The following PODN variants were observed in gnomAD, a reference collection of about 807,000 sequenced individuals.
PODN encodes the protein podocan, also known as podocan proteoglycan.
In PODN, 40 loss-of-function variants were observed where a neutral mutation model predicts 52.7. That is an observed-to-expected ratio of 0.76 (90% CI 0.59 to 0.99). PODN has a LOEUF of 0.99. Ranked by LOEUF, PODN falls within the 50% of genes least tolerant of loss-of-function variation. The pLI, the probability that PODN is intolerant of heterozygous loss-of-function variation, is 0.00. For missense variants in PODN, 720 were observed against 815.1 expected (o/e 0.88, Z 1.42); for synonymous variants, 396 against 377.9 (o/e 1.05, Z -0.56).
Position 53,082,128 on chromosome 1 carries a change from A to AGGAG in PODN, c.1810_1811insGAGG (p.Glu604GlyfsTer16), listed in dbSNP as rs1553160356. On this transcript the variant is annotated frameshift_variant, in exon 10 of 11. Transcript: ENST00000312553. LOFTEE classifies it high-confidence loss of function. ...TGGGGAAGGAAAAGGAGGAGGAGGA[A>AGGAG]GAGGAGGAGGAGGAGGAAGAGGAAA... 88 of 1,610,430 alleles carry AGGAG rather than the reference A, an allele frequency of 5.5e-5. No individual in the cohort carries two copies. The East Asian group carries it at 1.9e-3, about 35-fold the overall frequency.
At chr1:53,062,376 G>T (rs1643970363) in intron 1 of PODN, 68 bp downstream of exon 1, 3 of 1,123,300 alleles carry the variant, frequency 2.7e-6, no homozygotes, top group Non-Finnish European at 3.4e-6. Flanking sequence ...GCACTCAGAC[G>T]TCCCCGCCTC....
At chr1:53,064,227 T>G (rs1264164691) in intron 1 of PODN, among the ~76,000 whole-genome samples, 2 of 152,228 alleles carry the variant, frequency 1.3e-5, no homozygotes, top group African/African-American at 2.4e-5. Flanking sequence ...CCCCACTCCA[T>G]GCTTGGGGAG....
Position 53,079,033 on chromosome 1 carries a change from G to T in PODN, c.1512+11G>T. On this transcript the variant is annotated intron_variant, in intron 8 of 10. Coordinates refer to ENST00000312553, the MANE Select transcript of PODN (RefSeq NM_153703.5). The stretch of plus-strand genomic sequence containing the variant: ...CTCGCCCATCTGCAGGTAAGCGGAA[G>T]GGAGGGGGCTGAGCCATGCCCATGG... 6.6e-7 allele frequency: 1 copy of T among 1,521,900 alleles called. No homozygotes were observed. The allele number at this position is 1,521,900 out of a possible 1,614,324, so 94.3% of individuals were successfully genotyped here.
In PODN at chr1:53,078,588, C is replaced by A. The variant is rs1572274117; in HGVS notation, c.1078C>A (p.Arg360=). 1.4e-5 allele frequency: 23 copies of A among 1,613,068 alleles called. No individual in the cohort carries two copies. Among genetic ancestry groups the A allele is most frequent in the Non-Finnish European group, 1.7e-5 (20 of 1,180,016 alleles). ...IHPLAFQGLK[R]LHTVHLYNNA... is the part of the protein sequence containing the mutation. ...CCCACTGGCCTTCCAGGGCCTCAAG[C>A]GGTTGCACACGGTGCACCTGTACAA... Residue 360 remains arginine, a synonymous_variant, in exon 8 of 11, where the codon CGG becomes AGG. Coordinates refer to ENST00000312553, the MANE Select transcript of PODN (RefSeq NM_153703.5).
At position 53,069,906 on chromosome 1, in the gene PODN, G is replaced by A. The variant is rs1409931738; in HGVS notation, c.51G>A (p.Leu17=). Residue 17 remains leucine (L), a synonymous_variant, in exon 2 of 11, where the codon CTG becomes CTA. Transcript: ENST00000312553. ...TCCTGCTGCTGCTGCCGCCACAGCT[G>A]CACCTGGGACCTGTGCTTGCCGTGA... The part of the protein sequence containing the change: ...LLLLLLLPPQ[L]HLGPVLAVRA... 2 of 1,571,008 alleles carry A rather than the reference G, an allele frequency of 1.3e-6. No individual in the cohort carries two copies. The highest frequency in any genetic ancestry group is 2.7e-5 in the African/African-American group (2 of 73,986).
At chr1:53,065,525 C>A (rs1324486342) in intron 1 of PODN, among the ~76,000 whole-genome samples, 1 of 152,178 alleles carries the variant, frequency 6.6e-6, no homozygotes, top group Admixed American at 6.5e-5. Context: ...TCCTTCTTAC[C>A]TCTTCCTCCA....
intron 1 of PODN, among the ~76,000 whole-genome samples, chr1:53,067,556 A>G (rs2150292847): frequency 6.6e-6 from 1 of 152,170 alleles, no homozygotes; most frequent in Middle Eastern, 3.4e-3. Flanking sequence ...GGCAGCAGGA[A>G]CTCAGAGGCG....
chr1:53,077,227 G>T lies in PODN; in HGVS notation c.619G>T (p.Gly207Trp). ...GCACAACAACAAGCTGGCAGACGCC[G>T]GGCTGCCGGACAACATGTTCAACGG... ...YLHNNKLADAGLPDNMFNGSS... is the reference protein window; with the variant it reads ...YLHNNKLADAWLPDNMFNGSS... The change falls in exon 6 of 11, where the codon GGG (glycine) becomes TGG (tryptophan). Residue 207 changes from glycine to tryptophan, a missense_variant. By Grantham distance (184) the Gly-to-Trp change is radical. Transcript: ENST00000312553. 1 of 1,613,418 alleles carries T rather than the reference G, an allele frequency of 6.2e-7. No individual in the cohort carries two copies.
At chr1:53,084,221 C>T (rs1282221419) in intron 10 of PODN, among the ~76,000 whole-genome samples, 1 of 151,692 alleles carries the variant, frequency 6.6e-6, no homozygotes, top group Non-Finnish European at 1.5e-5. Flanking sequence ...GTGGGGACAC[C>T]ACAGCCCTCA....
intron 1 of PODN, among the ~76,000 whole-genome samples, chr1:53,064,983 C>G (rs1467556050): frequency 6.6e-6 from 1 of 152,172 alleles, no homozygotes; most frequent in African/African-American, 2.4e-5. Flanking sequence ...CTCCTGGAGA[C>G]CAGGGAGCTC....
chr1:53,070,182 G>T lies in PODN; in HGVS notation c.312+15G>T. 1 of 1,602,002 alleles carries T rather than the reference G, an allele frequency of 6.2e-7. No homozygotes were observed. Among genetic ancestry groups the T allele is most frequent in the Non-Finnish European group, 8.5e-7 (1 of 1,179,558 alleles). On this transcript the variant is annotated intron_variant, in intron 2 of 10. Transcript: ENST00000312553. ...TATCTCTGCAGGTGAGGTCGGCGTT[G>T]CACCTGTGGTCACGGGGGCTGTCCC...
intron 10 of PODN, among the ~76,000 whole-genome samples, chr1:53,083,174 C>T (rs1385318632): frequency 6.6e-6 from 1 of 152,188 alleles, no homozygotes; most frequent in African/African-American, 2.4e-5. Flanking sequence ...CACTGCAGAC[C>T]AGCCTTTTGA....
rs745998509 is a variant in PODN at position 53,071,553 on chromosome 1, A to T, written c.331A>T (p.Ile111Phe). The T allele has an allele frequency of 7.4e-6, 12 of 1,613,748 alleles. No individual in the cohort carries two copies. The highest frequency in any genetic ancestry group is 1.6e-4 in the Middle Eastern group (1 of 6,082). The change falls in exon 3 of 11, where the codon ATC (isoleucine) becomes TTC (phenylalanine). Residue 111 changes from isoleucine (I) to phenylalanine (F), a missense_variant. Physicochemically the swap from Ile to Phe is conservative, Grantham distance 21 (BLOSUM62 0). Transcript: ENST00000312553. ...LSLQNNQLEK[I>F]YPEELSRLHR... The stretch of plus-strand genomic sequence containing the variant: ...CCCCTAGAACAACCAGCTGGAAAAG[A>T]TCTACCCTGAGGAGCTCTCCCGGCT...
At chr1:53,064,424 TAGAA>T (rs1644003952) in intron 1 of PODN, among the ~76,000 whole-genome samples, 1 of 152,238 alleles carries the variant, frequency 6.6e-6, no homozygotes, top group South Asian at 2.1e-4. Flanking sequence ...ATCTGCAGAA[TAGAA>T]AGACGAACAT....
Position 53,062,262 on chromosome 1 carries a change from G to A in PODN, c.-102G>A, listed in dbSNP as rs1643967010. The A allele has an allele frequency of 1.6e-6, 2 of 1,273,014 alleles. No individual in the cohort carries two copies. The highest frequency in any genetic ancestry group is 2.0e-6 in the Non-Finnish European group (2 of 1,002,638). 78.9% of individuals were successfully genotyped at this position (1,273,014 alleles called of 1,614,324 possible). On this transcript the variant is annotated 5_prime_UTR_variant, in exon 1 of 11. Coordinates refer to ENST00000312553, the MANE Select transcript of PODN (RefSeq NM_153703.5). The stretch of plus-strand genomic sequence containing the variant: ...CCGCGGAGCGCAGCTGAGACTGGGG[G>A]AGCGCGTTCGGCCTGTGGGGCGCCG...
chr1:53,079,061 G>A lies in PODN; in HGVS notation c.1512+39G>A, dbSNP rs1405438027. On this transcript the variant is annotated intron_variant, in intron 8 of 10. Transcript: ENST00000312553. ...AGGGGGCTGAGCCATGCCCATGGAG[G>A]GGGGTACTGGCATGGCTGCCCTGAG... 6.1e-6 allele frequency: 9 copies of A among 1,476,902 alleles called. No homozygotes were observed. The Admixed American group carries it at 9.0e-5, about 15-fold the overall frequency. The allele number at this position is 1,476,902 out of a possible 1,614,324, so 91.5% of individuals were successfully genotyped here.
intron 1 of PODN, among the ~76,000 whole-genome samples, chr1:53,063,747 TTCTG>T (rs1643993862): frequency 6.6e-6 from 1 of 152,216 alleles, no homozygotes; most frequent in Non-Finnish European, 1.5e-5. Context: ...ACTTTATCCC[TTCTG>T]TCTGAGTCTA....
chr1:53,076,660 TTA>T (rs888558064), intron 5 of PODN, among the ~76,000 whole-genome samples: 2 of 151,276 alleles, frequency 1.3e-5, no homozygotes, highest in South Asian at 2.1e-4. Flanking sequence ...TATACACCTT[TTA>T]TATATATATG....
At chr1:53,076,209 C>T (rs1644192311) in intron 5 of PODN, among the ~76,000 whole-genome samples, 1 of 152,212 alleles carries the variant, frequency 6.6e-6, no homozygotes, top group South Asian at 2.1e-4. Context: ...CTTTCCCAGC[C>T]CCTGGGGAAG....
Sources: gnomAD v4.1 joint callset for allele counts (sites outside exome capture counted in the v4.1 genomes callset) on GRCh38, gnomAD v4.1.1 for gene constraint, MANE v1.5 for transcripts, NCBI Gene and HGNC (gene_info 2026-07-23, HGNC 2026-07-21) for gene names.